The following PSME4 variants were observed in gnomAD, a reference collection of about 807,000 sequenced individuals.
PSME4 encodes the protein proteasome activator complex subunit 4.
In PSME4, 89 loss-of-function variants were observed where a neutral mutation model predicts 253.9. The observed-to-expected ratio is 0.35, with a 90% CI of 0.30 to 0.42. The LOEUF is 0.42. Among genes scored for constraint, PSME4 ranks in the 10% least tolerant of loss-of-function variants. The pLI is 1.00. For synonymous variants in PSME4, 851 were observed against 759.2 expected (o/e 1.12, Z -1.99); for missense variants, 2,014 against 2,195.2 (o/e 0.92, Z 1.65).
At chr2:53,867,872 T>C (rs1352429068) in intron 44 of PSME4, among the ~76,000 whole-genome samples, 2 of 152,082 alleles carry the variant, frequency 1.3e-5, no homozygotes, top group African/African-American at 4.8e-5. Flanking sequence ...GAAGAATGTC[T>C]ATTTCTTAAA....
rs193123872 is a variant in PSME4 at position 53,966,554 on chromosome 2, C to T, written c.242+3989G>A. 4.0e-4 allele frequency among the ~76,000 whole-genome samples: 60 copies of T among 151,168 alleles called. No individual in the cohort carries two copies. The East Asian group carries it at 4.5e-3, about 11-fold the overall frequency. ...TGGCACATGCCTATAATCCCAGCTA[C>T]TCTGTCTCCAAAAAAAAAAAAAGAT... On this transcript the variant is annotated intron_variant, in intron 1 of 46. Transcript: ENST00000404125.
intron 8 of PSME4, among the ~76,000 whole-genome samples, chr2:53,933,959 T>C (rs919339457): frequency 6.6e-6 from 1 of 151,706 alleles, no homozygotes; most frequent in African/African-American, 2.4e-5. Context: ...AGAAGTAAAC[T>C]TTTAAACAAA....
intron 30 of PSME4, 65 bp downstream of exon 30, chr2:53,898,236 T>C (rs1336045273): frequency 8.5e-6 from 12 of 1,419,358 alleles, no homozygotes; most frequent in Admixed American, 2.1e-5. Flanking sequence ...TAGCCTTCCA[T>C]GTAGAAAACT....
chr2:53,928,679 T>C (rs1208276247), intron 10 of PSME4, among the ~76,000 whole-genome samples: 1 of 152,186 alleles, frequency 6.6e-6, no homozygotes, highest in African/African-American at 2.4e-5. Context: ...AAACACAGTA[T>C]ACATAGGGTC....
intron 20 of PSME4, among the ~76,000 whole-genome samples, chr2:53,912,974 G>C (rs1448403127): frequency 6.6e-6 from 1 of 152,104 alleles, no homozygotes; most frequent in African/African-American, 2.4e-5. Flanking sequence ...TCTATATTCT[G>C]ACTAAAAGCT....
Position 53,910,104 on chromosome 2 carries a change from T to C in PSME4, c.2543A>G (p.Glu848Gly). Residue 848 changes from glutamate to glycine, a missense_variant, in exon 21 of 47, where the codon GAG becomes GGG. Physicochemically the swap from Glu to Gly is moderately conservative, Grantham distance 98 (BLOSUM62 -2). Around this residue, in one of 4 missense-constraint regions of PSME4, gnomAD observed 989 missense variants for 1,021.1 expected, o/e 0.97. Transcript: ENST00000404125. ...NLVPSMVSLEETKLYTGLEYD... is the reference protein window; with the variant it reads ...NLVPSMVSLEGTKLYTGLEYD... Reference sequence around the variant, plus strand: ...TTCAAGTCCAGTATACAACTTTGTCTCTTCCAAGGACACCATACTTGGTAC... The same window carrying C: ...TTCAAGTCCAGTATACAACTTTGTCCCTTCCAAGGACACCATACTTGGTAC... 6.2e-7 allele frequency: 1 copy of C among 1,608,598 alleles called. No individual in the cohort carries two copies. Among genetic ancestry groups the C allele is most frequent in the Non-Finnish European group, 8.5e-7 (1 of 1,175,022 alleles).
intron 15 of PSME4, 94 bp downstream of exon 15, chr2:53,923,227 T>C (rs1405017471): frequency 8.2e-6 from 12 of 1,467,958 alleles, no homozygotes; most frequent in Non-Finnish European, 1.1e-5. Context: ...GAAAGAACTA[T>C]GCATTTTAAG....
At chr2:53,888,250 A>G (rs1400804960) in intron 38 of PSME4, 1 of 296,874 alleles carries the variant, frequency 3.4e-6, no homozygotes, top group Non-Finnish European at 6.1e-6. Flanking sequence ...ACTAATATTT[A>G]AACATCACAA....
At chr2:53,883,663 C>T (rs1203892867) in intron 41 of PSME4, among the ~76,000 whole-genome samples, 2 of 151,990 alleles carry the variant, frequency 1.3e-5, no homozygotes, top group Admixed American at 6.6e-5. Flanking sequence ...AAGTAAGTTA[C>T]GAGGCATATG....
In PSME4 at chr2:53,921,082, T is replaced by C. The variant is rs1558684967; in HGVS notation, c.2069A>G (p.Lys690Arg). The C allele has an allele frequency of 1.2e-6, 2 of 1,613,890 alleles. No individual in the cohort carries two copies. Among genetic ancestry groups the C allele is most frequent in the East Asian group, 4.5e-5 (2 of 44,856 alleles). The change falls in exon 18 of 47, where the codon AAG (lysine) becomes AGG (arginine). Residue 690 changes from lysine to arginine, a missense_variant. Transcript: ENST00000404125. Reference protein sequence around the residue: ...LSEITRVDGRKLLLYREQLVK... With the variant: ...LSEITRVDGRRLLLYREQLVK... ...AAGCTGCTCCCTATAAAGAAGCAAC[T>C]TCCTTCCATCCACTCGAGTAATCTA...
At chr2:53,895,864 T>C (rs989940951) in intron 32 of PSME4, 128 bp from the exon 33 acceptor site, 6 of 798,302 alleles carry the variant, frequency 7.5e-6, no homozygotes, top group Non-Finnish European at 1.1e-5. Context: ...AACATTAAGA[T>C]AACATATATA....
intron 43 of PSME4, among the ~76,000 whole-genome samples, chr2:53,871,139 A>T (rs926621963): frequency 2.0e-5 from 3 of 152,186 alleles, no homozygotes; most frequent in African/African-American, 7.2e-5. Flanking sequence ...TTGTGAAGGG[A>T]GGAAAACACT....
Position 53,897,975 on chromosome 2 carries a change from G to A in PSME4, c.3501C>T (p.Gly1167=), listed in dbSNP as rs1680219221. The A allele has an allele frequency of 2.5e-6, 4 of 1,613,584 alleles. No individual in the cohort carries two copies. Among genetic ancestry groups the A allele is most frequent in the Non-Finnish European group, 3.4e-6 (4 of 1,179,678 alleles). ...TCAGCAGTAGAGACAGAAGCCCAAT[G>A]CCTATATGTTCAAATTTCCAGGGCC... ...RNLPWKFEHI[G]IGLLSLLLRD... Residue 1167 remains glycine (G), a synonymous_variant, in exon 31 of 47, where the codon GGC becomes GGT. Transcript: ENST00000404125.
chr2:53,880,476 T>C (rs1191630275), intron 41 of PSME4, among the ~76,000 whole-genome samples: 1 of 152,078 alleles, frequency 6.6e-6, no homozygotes, highest in Non-Finnish European at 1.5e-5. Context: ...ATTTCACACC[T>C]AGGCAGTATC....
intron 24 of PSME4, chr2:53,908,117 C>G: frequency 1.9e-6 from 1 of 523,396 alleles, no homozygotes; most frequent in Non-Finnish European, 3.4e-6. Context: ...TGGAAACAGG[C>G]AGAAGATTCT....
rs1484016692 is a variant in PSME4 at position 53,936,841 on chromosome 2, A to G, written c.696-14T>C. ...TCAAACCAAAGTCTAAAGAAGAAAA[A>G]TGTTGTTATGAATAGCAAGTGATTT... On this transcript the variant is annotated splice_polypyrimidine_tract_variant and intron_variant, in intron 5 of 46. Coordinates refer to ENST00000404125, the MANE Select transcript of PSME4 (RefSeq NM_014614.3). 1 of 1,566,306 alleles carries G rather than the reference A, an allele frequency of 6.4e-7. No individual in the cohort carries two copies. The highest frequency in any genetic ancestry group is 1.9e-5 in the Admixed American group (1 of 53,300).
At chr2:53,960,731 T>G (rs17045439) in intron 1 of PSME4, among the ~76,000 whole-genome samples, 6,934 of 152,300 alleles carry the variant, frequency 0.046, 325 homozygotes, top group East Asian at 0.21. Context: ...ATGCTATAAC[T>G]TAACGGTTCT....
intron 20 of PSME4, among the ~76,000 whole-genome samples, chr2:53,913,696 C>G (rs1667930961): frequency 6.6e-6 from 1 of 152,152 alleles, no homozygotes; most frequent in Admixed American, 6.5e-5. Context: ...AAATGAAAAC[C>G]TGGCTCTTAT....
At chr2:53,893,048 G>T (rs1547980) in intron 35 of PSME4, 88 bp from the exon 36 acceptor site, 3 of 1,260,740 alleles carry the variant, frequency 2.4e-6, no homozygotes, top group Non-Finnish European at 3.2e-6. Context: ...CATTACTAAC[G>T]TGCTTAAAAG....
Sources: gnomAD v4.1 joint callset for allele counts (sites outside exome capture counted in the v4.1 genomes callset) on GRCh38, gnomAD v4.1.1 for gene constraint, gnomAD v4.1.1 regional missense constraint, MANE v1.5 for transcripts, NCBI Gene and HGNC (gene_info 2026-07-23, HGNC 2026-07-21) for gene names.